STON2: variants seen among roughly 807,000 people sequenced by gnomAD.
STON2 encodes stonin-2.
In STON2, 29 loss-of-function variants were observed where a neutral mutation model predicts 65.7. The ratio of observed to expected loss-of-function variants is 0.44; its 90% CI spans 0.33 to 0.60. STON2 has a LOEUF of 0.60. Among genes scored for constraint, STON2 ranks in the 20% least tolerant of loss-of-function variants. The pLI, the probability that STON2 is intolerant of heterozygous loss-of-function variation, is 0.03. For synonymous variants in STON2, 404 were observed against 414.2 expected (o/e 0.98, Z 0.30); for missense variants, 1,054 against 1,118.1 (o/e 0.94, Z 0.82).
intron 5 of STON2, among the ~76,000 whole-genome samples, chr14:81,290,939 C>T (rs181018022): frequency 2.6e-5 from 4 of 152,260 alleles, no homozygotes; most frequent in East Asian, 1.9e-4. Flanking sequence ...ACAACTAATT[C>T]CCAGCATACA....
At chr14:81,424,409 A>C (rs897285760) in intron 2 of STON2, among the ~76,000 whole-genome samples, 3 of 151,916 alleles carry the variant, frequency 2.0e-5, no homozygotes, top group Non-Finnish European at 4.4e-5. Flanking sequence ...GCGCCACTGT[A>C]CTCCAGCCTG....
intron 4 of STON2, among the ~76,000 whole-genome samples, chr14:81,340,078 C>G (rs750880713): frequency 6.6e-6 from 1 of 152,136 alleles, no homozygotes; most frequent in East Asian, 1.9e-4. Flanking sequence ...GGCATAAACC[C>G]GGGGGATGGA....
chr14:81,374,601 GA>G (rs1899165986), intron 3 of STON2, among the ~76,000 whole-genome samples: 1 of 151,790 alleles, frequency 6.6e-6, no homozygotes, highest in Admixed American at 6.6e-5. Flanking sequence ...TTAAAAATAT[GA>G]AAAAGGAGCA....
At chr14:81,286,042 T>G (rs1566889661) in intron 5 of STON2, among the ~76,000 whole-genome samples, 1 of 151,880 alleles carries the variant, frequency 6.6e-6, no homozygotes, top group Non-Finnish European at 1.5e-5. Flanking sequence ...CAGCCACTCA[T>G]GAGGCTGAGG....
chr14:81,308,780 C>CCACA (rs1331495723), intron 5 of STON2, among the ~76,000 whole-genome samples: 1 of 1,918 alleles, frequency 5.2e-4, no homozygotes, highest in Non-Finnish European at 1.1e-3. Flanking sequence ...ATGGTTTTAC[C>CCACA]CATATATATA....
At chr14:81,387,129 A>G (rs1899848379) in intron 3 of STON2, among the ~76,000 whole-genome samples, 1 of 151,842 alleles carries the variant, frequency 6.6e-6, no homozygotes, top group African/African-American at 2.4e-5. Context: ...AGAGAACTAT[A>G]CAAAATTTCA....
intron 5 of STON2, among the ~76,000 whole-genome samples, chr14:81,281,515 T>C (rs1025358623): frequency 6.6e-6 from 1 of 152,208 alleles, no homozygotes; most frequent in Admixed American, 6.5e-5. Flanking sequence ...TTATCCTTTT[T>C]GTCTTGGAGC....
intron 2 of STON2, among the ~76,000 whole-genome samples, chr14:81,406,878 C>T (rs1489139089): frequency 6.6e-6 from 1 of 152,202 alleles, no homozygotes; most frequent in Non-Finnish European, 1.5e-5. Flanking sequence ...CCTCTCTCCC[C>T]ATCCCCATGC....
chr14:81,292,777 T>A (rs545331193), intron 5 of STON2, among the ~76,000 whole-genome samples: 1 of 152,346 alleles, frequency 6.6e-6, no homozygotes, highest in Non-Finnish European at 1.5e-5. Context: ...GTCTTCTGAG[T>A]TGAATATTTG....
chr14:81,311,595 A>G, intron 5 of STON2, among the ~76,000 whole-genome samples: 1 of 152,226 alleles, frequency 6.6e-6, no homozygotes, highest in East Asian at 1.9e-4. Context: ...ATTGACGAAA[A>G]TGAGGCACAA....
chr14:81,380,045 G>A (rs9652384), intron 3 of STON2, among the ~76,000 whole-genome samples: 73,842 of 151,976 alleles, frequency 0.49, 18,451 homozygotes, highest in East Asian at 0.74. Context: ...AACTATCAAC[G>A]GAGTAAACAG....
At chr14:81,429,721 G>T (rs1902146064) in intron 1 of STON2, among the ~76,000 whole-genome samples, 1 of 152,124 alleles carries the variant, frequency 6.6e-6, no homozygotes, top group Non-Finnish European at 1.5e-5. Context: ...ACCACCTGAG[G>T]TCAGAAGTTC....
chr14:81,344,856 T>C (rs1378102311), intron 4 of STON2, among the ~76,000 whole-genome samples: 1 of 152,214 alleles, frequency 6.6e-6, no homozygotes, highest in Non-Finnish European at 1.5e-5. Context: ...ATCCTTTCTT[T>C]GCAGTTTTTC....
chr14:81,395,173 C>A (rs933921183), intron 3 of STON2: 4 of 152,200 alleles, frequency 2.6e-5, no homozygotes, highest in Non-Finnish European at 5.9e-5. Context: ...GTGAGAATAT[C>A]CATGTTTAAC....
chr14:81,389,621 G>A (rs1440225186), intron 3 of STON2, among the ~76,000 whole-genome samples: 5 of 152,188 alleles, frequency 3.3e-5, no homozygotes, highest in Admixed American at 1.3e-4. Flanking sequence ...CAGCAAACTG[G>A]CCACTACTTG....
chr14:81,292,298 C>G lies in STON2; in HGVS notation c.743-13559G>C, dbSNP rs1895588556. Among the ~76,000 whole-genome samples, 2 of 152,322 alleles carry G rather than the reference C, an allele frequency of 1.3e-5. 1 individual carries two copies. The highest frequency in any genetic ancestry group is 4.1e-4 in the South Asian group (2 of 4,826). The stretch of plus-strand genomic sequence containing the variant: ...AACACCAGTCCAGTCCCTTTCTTGG[C>G]TATACACTTGGTATCCAATAAATAT... On this transcript the variant is annotated intron_variant, in intron 5 of 7. Transcript: ENST00000614646.
intron 3 of STON2, among the ~76,000 whole-genome samples, chr14:81,386,100 C>A (rs753616942): frequency 2.0e-5 from 3 of 152,098 alleles, no homozygotes; most frequent in African/African-American, 7.2e-5. Flanking sequence ...GGATCAGAGA[C>A]GGCATCAGCC....
chr14:81,305,891 G>C (rs1213777233), intron 5 of STON2, among the ~76,000 whole-genome samples: 1 of 152,006 alleles, frequency 6.6e-6, no homozygotes, highest in Non-Finnish European at 1.5e-5. Context: ...CCTGGTATTT[G>C]GTTCTTTTGG....
At chr14:81,391,209 T>C (rs1013113973) in intron 3 of STON2, among the ~76,000 whole-genome samples, 7 of 152,240 alleles carry the variant, frequency 4.6e-5, no homozygotes, top group African/African-American at 1.7e-4. Flanking sequence ...TTAGTATTAC[T>C]GGAAGAACAG....
Sources: gnomAD v4.1 joint callset for allele counts (sites outside exome capture counted in the v4.1 genomes callset) on GRCh38, gnomAD v4.1.1 for gene constraint, MANE v1.5 for transcripts, NCBI Gene and HGNC (gene_info 2026-07-23, HGNC 2026-07-21) for gene names.